WIPF3: variants seen among roughly 807,000 people sequenced by gnomAD.
WIPF3 encodes the protein WAS/WASL interacting protein family member 3.
WIPF3 carries 33 observed loss-of-function variants against 38.9 expected under a neutral mutation model. The ratio of observed to expected loss-of-function variants is 0.85; its 90% CI spans 0.64 to 1.14. The LOEUF (loss-of-function observed/expected upper bound fraction) is 1.14. Among genes scored for constraint, WIPF3 ranks in the 50% most tolerant of loss-of-function variants. WIPF3 has a pLI of 0.00. For missense variants in WIPF3, 711 were observed against 652.5 expected (o/e 1.09, Z -0.98); for synonymous variants, 324 against 269.3 (o/e 1.20, Z -1.99).
At position 29,902,702 on chromosome 7, in the gene WIPF3, A is replaced by C. The variant is rs1037110709; in HGVS notation, c.1352-1584A>C. 2.8e-4 allele frequency among the ~76,000 whole-genome samples: 43 copies of C among 151,768 alleles called. 1 individual carries two copies. On this transcript the variant is annotated intron_variant, in intron 7 of 8. Transcript: ENST00000242140. Reference sequence around the variant, plus strand: ...AAAATATCAAAAAAATTAGCCAGGCATGGTGGCAAGCACCTGTAGTCCTAG... The same window carrying C: ...AAAATATCAAAAAAATTAGCCAGGCCTGGTGGCAAGCACCTGTAGTCCTAG...
intron 1 of WIPF3, among the ~76,000 whole-genome samples, chr7:29,810,022 T>G (rs890342320): frequency 6.6e-6 from 1 of 152,134 alleles, no homozygotes; most frequent in Non-Finnish European, 1.5e-5. Context: ...TGCTTGAGTT[T>G]CTGAGGACGT....
intron 1 of WIPF3, among the ~76,000 whole-genome samples, chr7:29,824,895 C>T (rs1784592494): frequency 6.6e-6 from 1 of 152,134 alleles, no homozygotes; most frequent in African/African-American, 2.4e-5. Flanking sequence ...TCTGCTTATC[C>T]TGGAACAGTA....
chr7:29,833,069 G>A (rs148465936), intron 1 of WIPF3, among the ~76,000 whole-genome samples: 22 of 152,288 alleles, frequency 1.4e-4, no homozygotes, highest in African/African-American at 4.8e-4. Flanking sequence ...AGACTCAAAC[G>A]GACAAATGTT....
At chr7:29,892,440 T>A (rs895210089) in intron 7 of WIPF3, among the ~76,000 whole-genome samples, 1 of 152,240 alleles carries the variant, frequency 6.6e-6, no homozygotes, top group Admixed American at 6.5e-5. Context: ...AGCGTGAACC[T>A]GTAAGCAGGG....
At chr7:29,833,501 G>A (rs1163818658) in intron 1 of WIPF3, among the ~76,000 whole-genome samples, 1 of 152,232 alleles carries the variant, frequency 6.6e-6, no homozygotes, top group Non-Finnish European at 1.5e-5. Context: ...AGAAATAAGT[G>A]TGATTAGTGT....
intron 5 of WIPF3, among the ~76,000 whole-genome samples, chr7:29,887,538 C>A (rs1022367666): frequency 1.3e-5 from 2 of 152,070 alleles, no homozygotes; most frequent in African/African-American, 4.8e-5. Flanking sequence ...TTAGGTGGAC[C>A]GGAAAGAGAA....
At chr7:29,856,692 G>T (rs1785191939) in intron 2 of WIPF3, among the ~76,000 whole-genome samples, 1 of 152,116 alleles carries the variant, frequency 6.6e-6, no homozygotes, top group African/African-American at 2.4e-5. Context: ...GCATTTTATT[G>T]TCATTCTTAT....
chr7:29,860,163 T>C (rs528816948), intron 2 of WIPF3, among the ~76,000 whole-genome samples: 1 of 152,220 alleles, frequency 6.6e-6, no homozygotes, highest in Non-Finnish European at 1.5e-5. Flanking sequence ...ACATGAAAGT[T>C]TGTAAGGAAA....
chr7:29,810,008 T>C (rs1216282077), intron 1 of WIPF3, among the ~76,000 whole-genome samples: 1 of 152,142 alleles, frequency 6.6e-6, no homozygotes, highest in Non-Finnish European at 1.5e-5. Flanking sequence ...GTAGCCAGTC[T>C]CAGTGCTTGA....
At chr7:29,835,734 C>T (rs1404877349) in intron 2 of WIPF3, among the ~76,000 whole-genome samples, 4 of 152,292 alleles carry the variant, frequency 2.6e-5, no homozygotes, top group East Asian at 1.9e-4. Context: ...GTCTCGCATC[C>T]GCTCCGCAGC....
In WIPF3 at chr7:29,879,099, G is replaced by A; in HGVS notation, c.314G>A (p.Gly105Asp). 1 of 1,612,570 alleles carries A rather than the reference G, an allele frequency of 6.2e-7. No homozygotes were observed. Among genetic ancestry groups the A allele is most frequent in the African/African-American group, 1.3e-5 (1 of 75,052 alleles). Residue 105 changes from glycine to aspartate, a missense_variant, in exon 4 of 9, where the codon GGC (glycine) becomes GAC (aspartate). Physicochemically the swap from Gly to Asp is moderately conservative, Grantham distance 94. Transcript: ENST00000242140. ...PPTLGDLFAG[G>D]FPVLRPAGQR... ...ACCCTGGGAGATCTGTTTGCTGGTG[G>A]CTTTCCTGTATTGCGACCAGCAGGC...
intron 4 of WIPF3, among the ~76,000 whole-genome samples, chr7:29,882,475 T>G (rs1343817823): frequency 2.6e-5 from 4 of 152,338 alleles, no homozygotes; most frequent in African/African-American, 7.2e-5. Context: ...GTTGGAATAT[T>G]ATGGTCTAGG....
intron 2 of WIPF3, among the ~76,000 whole-genome samples, chr7:29,842,703 C>G (rs2128067011): frequency 6.6e-6 from 1 of 152,070 alleles, no homozygotes; most frequent in South Asian, 2.1e-4. Flanking sequence ...AAATGGAGTG[C>G]CCTCTGAAGT....
At chr7:29,809,626 G>C (rs768476718) in intron 1 of WIPF3, among the ~76,000 whole-genome samples, 1 of 152,234 alleles carries the variant, frequency 6.6e-6, no homozygotes, top group African/African-American at 2.4e-5. Flanking sequence ...GGCAGCACAC[G>C]TGTTTTCTCA....
intron 4 of WIPF3, among the ~76,000 whole-genome samples, chr7:29,882,271 T>G (rs2128075114): frequency 6.6e-6 from 1 of 152,344 alleles, no homozygotes; most frequent in African/African-American, 2.4e-5. Context: ...AAACTTTCAT[T>G]ATCCCTTTCA....
intron 5 of WIPF3, among the ~76,000 whole-genome samples, chr7:29,885,701 A>G (rs1019991842): frequency 6.6e-6 from 1 of 152,170 alleles, no homozygotes; most frequent in Non-Finnish European, 1.5e-5. Context: ...CTATAGTCCC[A>G]GCTACTTGGG....
At chr7:29,861,082 C>T (rs977315955) in intron 2 of WIPF3, among the ~76,000 whole-genome samples, 2 of 152,084 alleles carry the variant, frequency 1.3e-5, no homozygotes, top group East Asian at 1.9e-4. Context: ...TTATCTATGT[C>T]GCATAAATGC....
Position 29,900,979 on chromosome 7 carries a change from G to T in WIPF3, c.1352-3307G>T, listed in dbSNP as rs537708083. On this transcript the variant is annotated intron_variant, in intron 7 of 8. Coordinates refer to ENST00000242140, the MANE Select transcript of WIPF3 (RefSeq NM_001080529.3). ...TCACAGGAATTGCAGCCCAGGGCTG[G>T]TGGTTATTCTGGGAGGGAATTGCAG... 3.3e-5 allele frequency among the ~76,000 whole-genome samples: 5 copies of T among 152,202 alleles called. No individual in the cohort carries two copies. The South Asian group carries it at 1.0e-3, about 32-fold the overall frequency.
intron 2 of WIPF3, among the ~76,000 whole-genome samples, chr7:29,856,054 T>C (rs1785183066): frequency 6.6e-6 from 1 of 152,240 alleles, no homozygotes. Flanking sequence ...TATATGTAGA[T>C]AGGACTATAG....
Sources: gnomAD v4.1 joint callset for allele counts (sites outside exome capture counted in the v4.1 genomes callset) on GRCh38, gnomAD v4.1.1 for gene constraint, MANE v1.5 for transcripts, NCBI Gene and HGNC (gene_info 2026-07-23, HGNC 2026-07-21) for gene names.